Variants in MMP16 observed in about 807,000 individuals in gnomAD.
MMP16 encodes matrix metallopeptidase 16.
In MMP16, 12 loss-of-function variants were observed where a neutral mutation model predicts 67.8. The observed-to-expected ratio is 0.18, with a 90% confidence interval of 0.11 to 0.29. MMP16 has a LOEUF of 0.29. Ranked by LOEUF, MMP16 falls within the 10% of genes least tolerant of loss-of-function variation. The pLI is 1.00. For synonymous variants in MMP16, 249 were observed against 255.9 expected, an observed-to-expected ratio of 0.97 and a Z score of 0.26; for missense variants, 475 against 765.7, an observed-to-expected ratio of 0.62 and a Z score of 4.48.
At chr8:88,243,362 C>T (rs751245333) in intron 1 of MMP16, among the ~76,000 whole-genome samples, 11 of 152,128 alleles carry the variant, frequency 7.2e-5, no homozygotes, top group East Asian at 1.9e-4. Context: ...GGAAGGGAGA[C>T]GGAAGCCTCC....
chr8:88,258,059 T>C (rs1486062715), intron 1 of MMP16, among the ~76,000 whole-genome samples: 1 of 142,630 alleles, frequency 7.0e-6, no homozygotes, highest in East Asian at 2.0e-4. Context: ...TTTTTTTTTT[T>C]CTTTGAGACA....
At chr8:88,281,504 G>A (rs956330052) in intron 1 of MMP16, among the ~76,000 whole-genome samples, 3 of 152,192 alleles carry the variant, frequency 2.0e-5, no homozygotes, top group African/African-American at 7.2e-5. Flanking sequence ...GAAGGAAACT[G>A]AGATTGTTGT....
chr8:88,118,436 C>T (rs1809475258), intron 5 of MMP16, among the ~76,000 whole-genome samples: 1 of 151,680 alleles, frequency 6.6e-6, no homozygotes, highest in African/African-American at 2.4e-5. Context: ...AGAACTTTGC[C>T]GTAACTGCAG....
At chr8:88,252,347 C>T (rs576220920) in intron 1 of MMP16, among the ~76,000 whole-genome samples, 1 of 152,158 alleles carries the variant, frequency 6.6e-6, no homozygotes, top group African/African-American at 2.4e-5. Context: ...TCATCATGCT[C>T]ATTATCTTAA....
chr8:88,067,002 G>C (rs1808471723), intron 7 of MMP16, among the ~76,000 whole-genome samples: 2 of 151,986 alleles, frequency 1.3e-5, no homozygotes, highest in African/African-American at 4.8e-5. Context: ...CCACTTAGTA[G>C]AGAATACTTT....
At chr8:88,165,616 G>GA (rs1425622040) in intron 4 of MMP16, among the ~76,000 whole-genome samples, 1 of 151,840 alleles carries the variant, frequency 6.6e-6, no homozygotes. Context: ...GTGTGATTTT[G>GA]AAAAAACAAA....
intron 6 of MMP16, among the ~76,000 whole-genome samples, chr8:88,103,903 C>T (rs912222185): frequency 6.6e-6 from 1 of 151,740 alleles, no homozygotes; most frequent in African/African-American, 2.4e-5. Flanking sequence ...GATTAATGCA[C>T]AGTGGGCACA....
intron 1 of MMP16, among the ~76,000 whole-genome samples, chr8:88,214,738 T>A (rs533942036): frequency 6.6e-6 from 1 of 152,332 alleles, no homozygotes; most frequent in African/African-American, 2.4e-5. Flanking sequence ...TTGAACTTAT[T>A]CCTCTTGTCT....
At chr8:88,204,808 G>A (rs1809400672) in intron 1 of MMP16, among the ~76,000 whole-genome samples, 2 of 152,144 alleles carry the variant, frequency 1.3e-5, no homozygotes, top group African/African-American at 4.8e-5. Context: ...CTCCTGAAAA[G>A]GTGAGAAAGC....
chr8:88,214,407 C>T (rs1401861), intron 1 of MMP16, among the ~76,000 whole-genome samples: 17,242 of 152,188 alleles, frequency 0.11, 1,958 homozygotes, highest in East Asian at 0.42. Context: ...AGTCTACACA[C>T]CCAACTGCTT....
chr8:88,254,218 T>G (rs1436959528), intron 1 of MMP16, among the ~76,000 whole-genome samples: 1 of 152,036 alleles, frequency 6.6e-6, no homozygotes, highest in Non-Finnish European at 1.5e-5. Context: ...AACAAACAAC[T>G]AAATACTGCA....
At chr8:88,268,961 TTC>T (rs999393353) in intron 1 of MMP16, among the ~76,000 whole-genome samples, 31 of 152,150 alleles carry the variant, frequency 2.0e-4, no homozygotes, top group Non-Finnish European at 2.8e-4. Context: ...CAGGATGAGT[TTC>T]TCACAGCACC....
chr8:88,075,955 AC>A (rs1808643066), intron 6 of MMP16, among the ~76,000 whole-genome samples: 7 of 151,238 alleles, frequency 4.6e-5, no homozygotes, highest in African/African-American at 1.7e-4. Context: ...ACACACACAC[AC>A]ACACACACAC....
intron 2 of MMP16, among the ~76,000 whole-genome samples, chr8:88,192,098 T>G (rs1255005696): frequency 6.6e-6 from 1 of 152,230 alleles, no homozygotes; most frequent in Non-Finnish European, 1.5e-5. Flanking sequence ...TTTATAGTAG[T>G]CCCCAAAAGA....
chr8:88,165,893 A>G (rs1022378591), intron 4 of MMP16, among the ~76,000 whole-genome samples: 7 of 152,132 alleles, frequency 4.6e-5, no homozygotes, highest in Non-Finnish European at 7.4e-5. Flanking sequence ...CTATTATACT[A>G]AAATCTTCCA....
chr8:88,051,533 A>G (rs1808270943), intron 8 of MMP16, among the ~76,000 whole-genome samples: 1 of 152,172 alleles, frequency 6.6e-6, no homozygotes, highest in African/African-American at 2.4e-5. Flanking sequence ...CAATGCCCCA[A>G]AGTCCCATTC....
At chr8:88,116,354 C>T (rs983925299) in intron 6 of MMP16, among the ~76,000 whole-genome samples, 153 bp downstream of exon 6, 1 of 151,940 alleles carries the variant, frequency 6.6e-6, no homozygotes, top group African/African-American at 2.4e-5. Context: ...CATTTAAGCC[C>T]ATTTGTGCAT....
chr8:88,254,331 G>A (rs1810270255), intron 1 of MMP16, among the ~76,000 whole-genome samples: 1 of 152,026 alleles, frequency 6.6e-6, no homozygotes, highest in African/African-American at 2.4e-5. Context: ...AGAGGGAGAG[G>A]ATCAGGAAAA....
intron 1 of MMP16, among the ~76,000 whole-genome samples, chr8:88,240,317 A>C (rs1415792932): frequency 1.3e-5 from 2 of 152,198 alleles, no homozygotes; most frequent in Non-Finnish European, 2.9e-5. Context: ...AAAGATAAGA[A>C]TTACCCTAGA....
Sources: allele counts gnomAD v4.1 joint callset (sites outside exome capture counted in the v4.1 genomes callset), GRCh38; gene constraint gnomAD v4.1.1; transcripts MANE v1.5; gene names NCBI Gene and HGNC (gene_info 2026-07-23, HGNC 2026-07-21).